The following GRM7 variants were observed in gnomAD, a reference collection of about 807,000 sequenced individuals.
GRM7 encodes metabotropic glutamate receptor 7.
Under a neutral mutation model 84.5 loss-of-function variants are expected in GRM7, and 35 were observed. The ratio of observed to expected loss-of-function variants is 0.41; its 90% CI spans 0.32 to 0.55. The LOEUF (loss-of-function observed/expected upper bound fraction) is 0.55, where lower values mean the gene tolerates loss of function less well. GRM7 is among the 20% of genes least tolerant of loss of function. The probability of loss-of-function intolerance (pLI) is 0.19; values close to 1 mark genes in which losing one functional copy is unlikely to be tolerated. For missense variants in GRM7, 1,003 were observed against 1,194.6 expected (o/e 0.84, Z 2.36); for synonymous variants, 487 against 455.1 (o/e 1.07, Z -0.89).
At chr3:7,526,763 C>T (rs1700823324) in intron 7 of GRM7, among the ~76,000 whole-genome samples, 1 of 152,006 alleles carries the variant, frequency 6.6e-6, no homozygotes, top group Admixed American at 6.6e-5. Flanking sequence ...ATTTTCTCAG[C>T]ACCATTCATT....
At chr3:7,060,756 T>G (rs878877285) in intron 1 of GRM7, among the ~76,000 whole-genome samples, 2 of 151,814 alleles carry the variant, frequency 1.3e-5, no homozygotes, top group Admixed American at 1.3e-4. Context: ...TCCTTGTGCC[T>G]ATAAATGAAG....
intron 5 of GRM7, among the ~76,000 whole-genome samples, chr3:7,440,671 G>A (rs545987277): frequency 1.3e-5 from 2 of 152,212 alleles, no homozygotes; most frequent in East Asian, 1.9e-4. Flanking sequence ...ATAGGCCCCA[G>A]CCTCTATTGT....
At chr3:7,160,665 C>T (rs1694595564) in intron 2 of GRM7, among the ~76,000 whole-genome samples, 1 of 152,136 alleles carries the variant, frequency 6.6e-6, no homozygotes, top group Admixed American at 6.6e-5. Flanking sequence ...CTTCTTTTTC[C>T]TCACTGTGTA....
intron 2 of GRM7, among the ~76,000 whole-genome samples, chr3:7,264,321 A>G (rs570234049): frequency 1.3e-5 from 2 of 151,670 alleles, no homozygotes; most frequent in South Asian, 4.2e-4. Context: ...CACTACAGAC[A>G]CTCCTGCGCC....
Position 7,461,740 on chromosome 3 carries a change from C to G in GRM7, c.1515+18C>G, listed in dbSNP as rs1006425719. The G allele has an allele frequency of 6.8e-6, 11 of 1,609,652 alleles. No individual in the cohort carries two copies. The East Asian group carries it at 2.5e-4, about 36-fold the overall frequency. On this transcript the variant is annotated intron_variant, in intron 7 of 9. Transcript: ENST00000357716. ...AGCTCAATGTGAGTTCTGCTTGCTTCTCTTCTTCCCTTGTTGAGATGAATG... is the reference window on the plus strand; with the variant it reads ...AGCTCAATGTGAGTTCTGCTTGCTTGTCTTCTTCCCTTGTTGAGATGAATG...
At chr3:7,332,737 A>G (rs971350577) in intron 4 of GRM7, among the ~76,000 whole-genome samples, 1 of 152,208 alleles carries the variant, frequency 6.6e-6, no homozygotes, top group Non-Finnish European at 1.5e-5. Flanking sequence ...AAGAATTCAC[A>G]GAACCTTTGA....
intron 1 of GRM7, among the ~76,000 whole-genome samples, chr3:7,117,429 C>T (rs1215571230): frequency 6.6e-6 from 1 of 152,164 alleles, no homozygotes; most frequent in Non-Finnish European, 1.5e-5. Context: ...ATAGACTAAC[C>T]CACGTGTATC....
intron 1 of GRM7, among the ~76,000 whole-genome samples, chr3:7,021,143 G>A (rs944936634): frequency 1.3e-5 from 2 of 152,040 alleles, no homozygotes; most frequent in Non-Finnish European, 2.9e-5. Context: ...CCCAGCAAAT[G>A]ATGCCCCTTA....
intron 1 of GRM7, among the ~76,000 whole-genome samples, chr3:6,944,363 T>G (rs1023309058): frequency 6.6e-6 from 1 of 152,148 alleles, no homozygotes; most frequent in Non-Finnish European, 1.5e-5. Flanking sequence ...TTTCTCCTGG[T>G]TTTCTCATAG....
intron 1 of GRM7, among the ~76,000 whole-genome samples, chr3:6,877,808 AT>A (rs1695366238): frequency 8.7e-6 from 1 of 115,110 alleles, no homozygotes; most frequent in Non-Finnish European, 1.7e-5. Flanking sequence ...CTACACAGAT[AT>A]CACACACACA....
At chr3:6,907,769 G>A (rs1696632323) in intron 1 of GRM7, among the ~76,000 whole-genome samples, 1 of 152,140 alleles carries the variant, frequency 6.6e-6, no homozygotes, top group Non-Finnish European at 1.5e-5. Flanking sequence ...TCTCATTGAA[G>A]TAGGGAAATA....
At chr3:7,426,095 G>GTTGT (rs56247050) in intron 5 of GRM7, among the ~76,000 whole-genome samples, 54,474 of 150,560 alleles carry the variant, frequency 0.36, 10,550 homozygotes, top group Non-Finnish European at 0.44. Flanking sequence ...CATATCATAC[G>GTTGT]TTCTTTCTTT....
At chr3:7,704,912 A>G (rs1701338420) in intron 9 of GRM7, among the ~76,000 whole-genome samples, 1 of 152,200 alleles carries the variant, frequency 6.6e-6, no homozygotes. Context: ...GAATGGCAAG[A>G]GCTGGATATC....
chr3:7,565,676 C>A (rs551168862), intron 7 of GRM7, among the ~76,000 whole-genome samples: 1 of 151,998 alleles, frequency 6.6e-6, no homozygotes, highest in Non-Finnish European at 1.5e-5. Context: ...TGATATTAAC[C>A]GAAAGGATGA....
At chr3:6,922,031 C>A (rs1261342703) in intron 1 of GRM7, among the ~76,000 whole-genome samples, 2 of 152,176 alleles carry the variant, frequency 1.3e-5, no homozygotes, top group Non-Finnish European at 2.9e-5. Flanking sequence ...GGTTGGAGGG[C>A]CGTGGGGTTA....
intron 8 of GRM7, among the ~76,000 whole-genome samples, chr3:7,625,071 C>T (rs949611581): frequency 6.6e-6 from 1 of 152,298 alleles, no homozygotes; most frequent in Admixed American, 6.5e-5. Context: ...GACTTCTCAC[C>T]TCCAGGAAAA....
At chr3:6,944,639 C>A (rs1697998043) in intron 1 of GRM7, among the ~76,000 whole-genome samples, 1 of 151,998 alleles carries the variant, frequency 6.6e-6, no homozygotes, top group Admixed American at 6.6e-5. Context: ...GTTTTCTTTT[C>A]TTATAATGCA....
At chr3:6,950,517 G>A (rs575740436) in intron 1 of GRM7, among the ~76,000 whole-genome samples, 1 of 152,230 alleles carries the variant, frequency 6.6e-6, no homozygotes, top group Non-Finnish European at 1.5e-5. Flanking sequence ...ACCCGCTTGA[G>A]GAGCCAGTCT....
intron 8 of GRM7, among the ~76,000 whole-genome samples, chr3:7,630,172 A>C (rs1488982399): frequency 1.3e-5 from 2 of 152,188 alleles, no homozygotes; most frequent in African/African-American, 4.8e-5. Context: ...TCCAAGCTCA[A>C]GGTTAAATAA....
Sources: allele counts gnomAD v4.1 joint callset (sites outside exome capture counted in the v4.1 genomes callset), GRCh38; gene constraint gnomAD v4.1.1; transcripts MANE v1.5; gene names NCBI Gene and HGNC (gene_info 2026-07-23, HGNC 2026-07-21).